The following FBN1 variants were observed in gnomAD, a reference collection of about 807,000 sequenced individuals.
FBN1 encodes the protein fibrillin 1.
In FBN1, 29 loss-of-function variants were observed where a neutral mutation model predicts 365.1. The observed-to-expected ratio is 0.08, with a 90% CI of 0.06 to 0.11. The LOEUF (loss-of-function observed/expected upper bound fraction) is 0.11. Ranked by LOEUF, FBN1 falls within the 10% of genes least tolerant of loss-of-function variation. FBN1 has a pLI of 1.00. For missense variants in FBN1, 2,476 were observed against 3,703.2 expected (o/e 0.67, Z 8.60); for synonymous variants, 1,210 against 1,270.5 (o/e 0.95, Z 1.01).
Position 48,453,110 on chromosome 15 carries a change from G to A in FBN1, c.5423-426C>T, listed in dbSNP as rs369688110. ...CGTCTCTACTAAAAATACAAAGTTA[G>A]CTGGGCATGGTGGCGGGCACCTGCA... On this transcript the variant is annotated intron_variant, in intron 44 of 65. Transcript: ENST00000316623. Among the ~76,000 whole-genome samples, 18 of 152,128 alleles carry A rather than the reference G, an allele frequency of 1.2e-4. No individual in the cohort carries two copies. In the East Asian group the frequency reaches 2.5e-3, roughly 21 times the overall value.
intron 4 of FBN1, among the ~76,000 whole-genome samples, chr15:48,600,545 A>T (rs2044555160): frequency 6.6e-6 from 1 of 152,176 alleles, no homozygotes; most frequent in Non-Finnish European, 1.5e-5. Context: ...CCCTACTAAA[A>T]ATACAAAAAT....
chr15:48,426,163 C>G (rs940763696), intron 58 of FBN1, among the ~76,000 whole-genome samples: 17 of 152,194 alleles, frequency 1.1e-4, no homozygotes, highest in Admixed American at 9.2e-4. Flanking sequence ...GCCACCCCAT[C>G]TAGACATATT....
At chr15:48,645,210 A>C (rs1472663978) in intron 1 of FBN1, among the ~76,000 whole-genome samples, 1 of 152,104 alleles carries the variant, frequency 6.6e-6, no homozygotes, top group Non-Finnish European at 1.5e-5. Context: ...AGCGGTCCTA[A>C]GCCCCGGGCG....
intron 6 of FBN1, among the ~76,000 whole-genome samples, chr15:48,575,319 A>ATATGTATG (rs56083230): frequency 1.9e-4 from 29 of 149,976 alleles, no homozygotes; most frequent in African/African-American, 6.1e-4. Flanking sequence ...ATGTATTTAC[A>ATATGTATG]TATGTATGTA....
At chr15:48,454,204 A>G (rs1440170798) in intron 44 of FBN1, among the ~76,000 whole-genome samples, 2 of 152,208 alleles carry the variant, frequency 1.3e-5, no homozygotes, top group African/African-American at 2.4e-5. Flanking sequence ...TGAATTTCTA[A>G]TAAGTTCCCA....
At chr15:48,468,591 A>T (rs2043342458) in intron 36 of FBN1, 57 bp from the exon 37 acceptor site, 1 of 1,602,296 alleles carries the variant, frequency 6.2e-7, no homozygotes, top group Admixed American at 1.7e-5. Flanking sequence ...GGCAGACATC[A>T]CCATAAAAGA....
In FBN1 at chr15:48,420,847, C is replaced by A. The variant is rs762213905; in HGVS notation, c.7700-41G>T. On this transcript the variant is annotated intron_variant, in intron 62 of 65. Transcript: ENST00000316623. ...AGCCACCATGATGCCAACTCAACAT[C>A]TCTCTCTGAAGCCAGATGGATTCTA... 10 of 1,611,216 alleles carry A rather than the reference C, an allele frequency of 6.2e-6. No individual in the cohort carries two copies. In the Admixed American group the frequency reaches 1.7e-4, roughly 27 times the overall value.
intron 6 of FBN1, among the ~76,000 whole-genome samples, chr15:48,591,785 T>C (rs111398649): frequency 2.7e-5 from 4 of 149,964 alleles, no homozygotes; most frequent in Non-Finnish European, 4.4e-5. Flanking sequence ...TTTAGAGTTA[T>C]GAGTGGCCCC....
rs6493325 is a variant in FBN1 at position 48,495,048 on chromosome 15, T to C, written c.2677+75A>G. The C allele has an allele frequency of 0.098, 152,640 of 1,564,106 alleles. 8,355 individuals carry two copies. The highest frequency in any genetic ancestry group is 0.2 in the African/African-American group (14,741 of 74,106). On this transcript the variant is annotated intron_variant, in intron 22 of 65. Transcript: ENST00000316623. ...AAATTCTCATGTGAGCCTAGATAAA[T>C]GAAATACTAGGCTTCCCCTTTTTAT...
intron 6 of FBN1, among the ~76,000 whole-genome samples, chr15:48,570,795 G>C (rs561876715): frequency 6.6e-6 from 1 of 152,312 alleles, no homozygotes; most frequent in South Asian, 2.1e-4. Flanking sequence ...TAAGGAGAGA[G>C]AGCTGGTGTG....
At chr15:48,628,154 T>C (rs1205456128) in intron 2 of FBN1, among the ~76,000 whole-genome samples, 3 of 152,210 alleles carry the variant, frequency 2.0e-5, no homozygotes, top group Non-Finnish European at 4.4e-5. Flanking sequence ...CATGCGCACG[T>C]ATCATCCCCT....
chr15:48,639,861 A>C (rs1890167639), intron 2 of FBN1, among the ~76,000 whole-genome samples: 1 of 152,234 alleles, frequency 6.6e-6, no homozygotes. Flanking sequence ...TTTCTCTTTC[A>C]AGAAAACATT....
intron 10 of FBN1, among the ~76,000 whole-genome samples, chr15:48,516,689 G>GCTCT (rs2043806733): frequency 6.6e-6 from 1 of 152,150 alleles, no homozygotes; most frequent in Admixed American, 6.5e-5. Context: ...ATTCCACAGG[G>GCTCT]CTCTACAGAA....
chr15:48,473,429 T>G lies in FBN1; in HGVS notation c.4211-753A>C, dbSNP rs925921821. Among the ~76,000 whole-genome samples the G allele has an allele frequency of 4.6e-5, 7 of 152,346 alleles. No homozygotes were observed. In the East Asian group the frequency reaches 1.2e-3, roughly 25 times the overall value. On this transcript the variant is annotated intron_variant, in intron 34 of 65. Transcript: ENST00000316623. Reference sequence around the variant, plus strand: ...TTTATTTAACTCCAGAGCTCTGATATAAAAAGTGCTGTCTGTAAATATATG... The same window carrying G: ...TTTATTTAACTCCAGAGCTCTGATAGAAAAAGTGCTGTCTGTAAATATATG...
intron 27 of FBN1, among the ~76,000 whole-genome samples, chr15:48,487,829 T>C (rs1163095554): frequency 6.6e-6 from 1 of 152,218 alleles, no homozygotes; most frequent in Non-Finnish European, 1.5e-5. Flanking sequence ...TAAAGGGACC[T>C]CTACTACAGC....
At chr15:48,470,993 T>G (rs2043370257) in intron 35 of FBN1, among the ~76,000 whole-genome samples, 1 of 152,140 alleles carries the variant, frequency 6.6e-6, no homozygotes, top group African/African-American at 2.4e-5. Flanking sequence ...GAGCATTTTA[T>G]AGATACATAT....
intron 50 of FBN1, among the ~76,000 whole-genome samples, chr15:48,439,204 G>A (rs2043094608): frequency 6.6e-6 from 1 of 152,214 alleles, no homozygotes; most frequent in Non-Finnish European, 1.5e-5. Flanking sequence ...ACCAAGTTAT[G>A]TAAATCAAAT....
chr15:48,422,512 T>C (rs562985948), intron 60 of FBN1, among the ~76,000 whole-genome samples: 1 of 152,348 alleles, frequency 6.6e-6, no homozygotes, highest in South Asian at 2.1e-4. Context: ...TTCTCTTCTG[T>C]TTGCTGTTTT....
chr15:48,487,245 A>C (rs778422701), intron 28 of FBN1, 45 bp from the exon 29 acceptor site: 2 of 1,614,148 alleles, frequency 1.2e-6, no homozygotes, highest in Non-Finnish European at 1.7e-6. Flanking sequence ...ATAAGCTTCC[A>C]ACTTTGGCAA....
Sources: gnomAD v4.1 joint callset for allele counts (sites outside exome capture counted in the v4.1 genomes callset) on GRCh38, gnomAD v4.1.1 for gene constraint, MANE v1.5 for transcripts, NCBI Gene and HGNC (gene_info 2026-07-23, HGNC 2026-07-21) for gene names.